The following KCND3 variants were observed in gnomAD, a reference collection of about 807,000 sequenced individuals.
The protein encoded by KCND3 is potassium voltage-gated channel subfamily D member 3.
A neutral mutation model predicts 51.1 loss-of-function variants in KCND3; 9 were observed. The ratio of observed to expected loss-of-function variants is 0.18; its 90% CI spans 0.11 to 0.31. The LOEUF is 0.31. Ranked by LOEUF, KCND3 falls within the 10% of genes least tolerant of loss-of-function variation. The pLI is 1.00. For synonymous variants in KCND3, 349 were observed against 368.0 expected (o/e 0.95, Z 0.59); for missense variants, 526 against 903.8 (o/e 0.58, Z 5.36).
intron 2 of KCND3, among the ~76,000 whole-genome samples, chr1:111,893,154 G>C (rs1669927174): frequency 6.6e-6 from 1 of 152,234 alleles, no homozygotes; most frequent in African/African-American, 2.4e-5. Context: ...GTGGGAGATA[G>C]ACAGGTAAAC....
At chr1:111,842,582 G>A (rs1667375137) in intron 2 of KCND3, among the ~76,000 whole-genome samples, 1 of 152,216 alleles carries the variant, frequency 6.6e-6, no homozygotes, top group Non-Finnish European at 1.5e-5. Flanking sequence ...TGATGCCAAG[G>A]AGCTTTCACT....
intron 2 of KCND3, among the ~76,000 whole-genome samples, chr1:111,916,659 A>G (rs1274989873): frequency 6.6e-6 from 1 of 152,186 alleles, no homozygotes; most frequent in Non-Finnish European, 1.5e-5. Context: ...AAAATGCCAG[A>G]CTAATCAAGA....
At chr1:111,927,019 ATGC>A (rs1195167944) in intron 2 of KCND3, among the ~76,000 whole-genome samples, 2 of 152,184 alleles carry the variant, frequency 1.3e-5, no homozygotes, top group Non-Finnish European at 2.9e-5. Context: ...GGGGCTGATT[ATGC>A]TGCTAAGTGC....
In KCND3 at chr1:111,982,385, G is replaced by A. The variant is rs555413116; in HGVS notation, c.342C>T (p.Tyr114=). Residue 114 remains tyrosine (Y), a synonymous_variant, in exon 2 of 8, where the codon TAC becomes TAT. Coordinates refer to ENST00000302127, the MANE Select transcript of KCND3 (RefSeq NM_001378969.1). The surrounding 1 kb of genome is among the most constrained non-coding windows in gnomAD (Gnocchi z 8.5). Reference sequence around the variant, plus strand: ...TGCCGTAGAAGGCCAGCTCGTCGTCGTAGGCAGAGATGCACTCGTAGCGCG... The same window carrying A: ...TGCCGTAGAAGGCCAGCTCGTCGTCATAGGCAGAGATGCACTCGTAGCGCG... ...HYPRYECISA[Y]DDELAFYGIL... 6.8e-6 allele frequency: 11 copies of A among 1,614,164 alleles called. No homozygotes were observed. The highest frequency in any genetic ancestry group is 3.3e-5 in the South Asian group (3 of 91,078).
At chr1:111,797,384 C>T (rs1232527818) in intron 2 of KCND3, among the ~76,000 whole-genome samples, 2 of 152,230 alleles carry the variant, frequency 1.3e-5, no homozygotes, top group African/African-American at 4.8e-5. Flanking sequence ...GCACTGTCTA[C>T]TCCACCTACC....
At chr1:111,957,388 C>T (rs1369241117) in intron 2 of KCND3, among the ~76,000 whole-genome samples, 1 of 152,198 alleles carries the variant, frequency 6.6e-6, no homozygotes, top group East Asian at 1.9e-4. Flanking sequence ...GAAGGGTCTT[C>T]CCTTAAGTTG....
At chr1:111,918,158 G>A (rs1348937736) in intron 2 of KCND3, among the ~76,000 whole-genome samples, 3 of 152,194 alleles carry the variant, frequency 2.0e-5, no homozygotes. Context: ...GAAGATGCAA[G>A]TGGCTTAGAT....
intron 2 of KCND3, among the ~76,000 whole-genome samples, chr1:111,849,662 T>C (rs1176935592): frequency 6.6e-6 from 1 of 152,246 alleles, no homozygotes. Context: ...GAGAAGGGGC[T>C]GAAATCTGCA....
intron 2 of KCND3, among the ~76,000 whole-genome samples, chr1:111,967,160 CA>C (rs573768056): frequency 1.6e-3 from 214 of 134,766 alleles, no homozygotes; most frequent in Non-Finnish European, 2.3e-3. Flanking sequence ...AAAACAAAAA[CA>C]AAAAAAAAAA....
intron 5 of KCND3, 146 bp from the exon 6 acceptor site, chr1:111,778,638 C>T: frequency 1.3e-6 from 1 of 795,844 alleles, no homozygotes; most frequent in South Asian, 1.5e-5. Flanking sequence ...AGCATTCTGC[C>T]CCCTTCCTCC....
intron 2 of KCND3, among the ~76,000 whole-genome samples, chr1:111,930,126 G>C (rs1671893460): frequency 6.6e-6 from 1 of 152,038 alleles, no homozygotes; most frequent in Non-Finnish European, 1.5e-5. Context: ...ACAAAGCGAG[G>C]TGATTTGATG....
Position 111,792,613 on chromosome 1 carries a change from C to T in KCND3, c.1107-5507G>A, listed in dbSNP as rs1047752053. On this transcript the variant is annotated intron_variant, in intron 2 of 7. Transcript: ENST00000302127. ...CCCAGGGCAAATCCTGGCTCTGCCA[C>T]TTGTTAGCTGGGTGACCTTGGCCAT... 5.8e-4 allele frequency among the ~76,000 whole-genome samples: 88 copies of T among 152,276 alleles called. 1 individual carries two copies. The highest frequency in any genetic ancestry group is 2.1e-3 in the African/African-American group (88 of 41,542).
intron 2 of KCND3, among the ~76,000 whole-genome samples, chr1:111,976,131 T>C (rs1347000432): frequency 6.6e-6 from 1 of 152,246 alleles, no homozygotes; most frequent in Non-Finnish European, 1.5e-5. Flanking sequence ...CTCTGCTGTA[T>C]TCCCAGTGTC....
chr1:111,979,553 GC>G (rs1674825437), intron 2 of KCND3, among the ~76,000 whole-genome samples: 1 of 152,174 alleles, frequency 6.6e-6, no homozygotes, highest in Admixed American at 6.5e-5. Flanking sequence ...CTACCTAGGG[GC>G]CCTGATGGCA....
intron 2 of KCND3, among the ~76,000 whole-genome samples, chr1:111,913,094 C>A (rs971364715): frequency 6.6e-6 from 1 of 151,760 alleles, no homozygotes; most frequent in Non-Finnish European, 1.5e-5. Context: ...TGCCCTAATA[C>A]TGGTATACCA....
At position 111,981,404 on chromosome 1, in the gene KCND3, C is replaced by T. The variant is rs1267868874; in HGVS notation, c.1106+217G>A. Among the ~76,000 whole-genome samples, 4 of 152,084 alleles carry T rather than the reference C, an allele frequency of 2.6e-5. No individual in the cohort carries two copies. The highest frequency in any genetic ancestry group is 5.9e-5 in the Non-Finnish European group (4 of 68,018). On this transcript the variant is annotated intron_variant, in intron 2 of 7. Transcript: ENST00000302127. The surrounding 1 kb of genome is among the most constrained non-coding windows in gnomAD (Gnocchi z 6.2). ...TTCTTAGCTCTATAAAACACATGCC[C>T]CGACCTCAAAAAGAAAACTCAATTC... is the stretch of plus-strand genomic sequence containing the variant.
rs1670078086 is a variant in KCND3, at chr1:111,895,742, G to C, written c.1106+85879C>G. The stretch of plus-strand genomic sequence containing the variant: ...TGGAGGGGGCCAGGGGGCTGGATGC[G>C]GAACAGGCCTCGGGCCCAGTGGGTG... On this transcript the variant is annotated intron_variant, in intron 2 of 7. Transcript: ENST00000302127. Among the ~76,000 whole-genome samples, 3 of 152,370 alleles carry C rather than the reference G, an allele frequency of 2.0e-5. No homozygotes were observed. In the South Asian group the frequency reaches 6.2e-4, roughly 32 times the overall value.
At chr1:111,817,983 G>A (rs574227035) in intron 2 of KCND3, among the ~76,000 whole-genome samples, 1 of 152,118 alleles carries the variant, frequency 6.6e-6, no homozygotes, top group South Asian at 2.1e-4. Context: ...AACTGCATCA[G>A]GGCTGACAGG....
intron 2 of KCND3, among the ~76,000 whole-genome samples, chr1:111,914,558 G>A (rs1458019790): frequency 3.3e-5 from 5 of 152,078 alleles, no homozygotes; most frequent in Admixed American, 2.6e-4. Context: ...TACACACAGA[G>A]GAAAGACAAA....
Sources: allele counts gnomAD v4.1 joint callset (sites outside exome capture counted in the v4.1 genomes callset), GRCh38; gene constraint gnomAD v4.1.1; non-coding constraint Gnocchi (gnomAD v3.1); transcripts MANE v1.5; gene names NCBI Gene and HGNC (gene_info 2026-07-23, HGNC 2026-07-21).